Variants in NGEF observed in about 807,000 individuals in gnomAD.
NGEF encodes the protein neuronal guanine nucleotide exchange factor.
A neutral mutation model predicts 80.9 loss-of-function variants in NGEF; 31 were observed. The ratio of observed to expected loss-of-function variants is 0.38; its 90% CI spans 0.29 to 0.52. The LOEUF (loss-of-function observed/expected upper bound fraction) is 0.52, where lower values mean the gene tolerates loss of function less well. NGEF is among the 20% of genes least tolerant of loss of function. The probability of loss-of-function intolerance (pLI) is 0.84; values close to 1 mark genes in which losing one functional copy is unlikely to be tolerated. For missense variants in NGEF, 709 were observed against 926.2 expected (o/e 0.77, Z 3.04); for synonymous variants, 371 against 370.2 (o/e 1.00, Z -0.03).
chr2:232,978,813 C>G (rs1478639356), intron 1 of NGEF, among the ~76,000 whole-genome samples: 1 of 152,208 alleles, frequency 6.6e-6, no homozygotes, highest in Non-Finnish European at 1.5e-5. Flanking sequence ...TCACTGCAGC[C>G]TCGACCTCAT....
intron 1 of NGEF, among the ~76,000 whole-genome samples, chr2:233,011,007 C>T (rs1046958450): frequency 4.6e-5 from 7 of 152,146 alleles, no homozygotes; most frequent in Non-Finnish European, 8.8e-5. Flanking sequence ...AGAGGCAGCC[C>T]ATCCAGGCTC....
At chr2:232,927,818 GGGACCCCGGGC>G in intron 3 of NGEF, 3 of 1,016,898 alleles carry the variant, frequency 3.0e-6, no homozygotes, top group Non-Finnish European at 3.8e-6. Flanking sequence ...GGGGGTGCCC[GGGACCCCGGGC>G]GCAAGCTGGG....
At chr2:232,909,019 T>C (rs1692638289) in intron 5 of NGEF, among the ~76,000 whole-genome samples, 1 of 152,188 alleles carries the variant, frequency 6.6e-6, no homozygotes, top group Non-Finnish European at 1.5e-5. Flanking sequence ...CCGTAACTGG[T>C]AGATAACGGT....
At chr2:232,897,101 G>A (rs1692121336) in intron 5 of NGEF, among the ~76,000 whole-genome samples, 1 of 141,038 alleles carries the variant, frequency 7.1e-6, no homozygotes. Context: ...GATGGGGTGG[G>A]GGAAGGGGTG....
Position 232,901,408 on chromosome 2 carries a change from C to T in NGEF, c.829-6492G>A, listed in dbSNP as rs189916059. On this transcript the variant is annotated intron_variant, in intron 5 of 14. Transcript: ENST00000264051. The stretch of plus-strand genomic sequence containing the variant: ...CAGGGTTCGCCGTGGACCTCTGGGC[C>T]GTGCATTCCAGCCTGATTTGGGTTG... The T allele has an allele frequency of 1.2e-5, 12 of 985,522 alleles. No homozygotes were observed. In the South Asian group the frequency reaches 1.4e-4, roughly 12 times the overall value. The allele number at this position is 985,522 out of a possible 1,614,324, so 61.0% of individuals were successfully genotyped here.
chr2:232,956,578 C>A (rs1693838095), intron 3 of NGEF, among the ~76,000 whole-genome samples: 1 of 151,910 alleles, frequency 6.6e-6, no homozygotes, highest in Non-Finnish European at 1.5e-5. Flanking sequence ...ACCAGCCTGG[C>A]CAACATGGCG....
At chr2:232,910,263 T>C (rs1437789487) in intron 5 of NGEF, among the ~76,000 whole-genome samples, 1 of 152,174 alleles carries the variant, frequency 6.6e-6, no homozygotes, top group Admixed American at 6.5e-5. Flanking sequence ...GAAACTGTTC[T>C]ACCTCAGATC....
chr2:232,975,990 C>G (rs1221218293), intron 1 of NGEF, among the ~76,000 whole-genome samples: 1 of 152,156 alleles, frequency 6.6e-6, no homozygotes, highest in Non-Finnish European at 1.5e-5. Context: ...CACCTGAGGC[C>G]AGGAGTTCAA....
chr2:232,899,950 A>G (rs111162797), intron 5 of NGEF, among the ~76,000 whole-genome samples: 19 of 134,382 alleles, frequency 1.4e-4, no homozygotes, highest in South Asian at 1.3e-3. Flanking sequence ...ACTTACACAC[A>G]TGCTCTCACA....
At chr2:232,953,217 G>A (rs1325348926) in intron 3 of NGEF, among the ~76,000 whole-genome samples, 4 of 145,978 alleles carry the variant, frequency 2.7e-5, no homozygotes, top group Admixed American at 1.4e-4. Flanking sequence ...CAGGAGAATC[G>A]CTGAAACCCA....
chr2:232,955,587 G>T (rs781623979), intron 3 of NGEF, among the ~76,000 whole-genome samples: 7 of 152,064 alleles, frequency 4.6e-5, no homozygotes, highest in Non-Finnish European at 8.8e-5. Context: ...GCAGTGGTGC[G>T]ATCTCACCGC....
At chr2:232,901,703 C>T (rs912109263) in intron 5 of NGEF, among the ~76,000 whole-genome samples, 4 of 152,222 alleles carry the variant, frequency 2.6e-5, no homozygotes, top group East Asian at 1.9e-4. Flanking sequence ...CACAGGTCAC[C>T]CCCAGTCCTG....
chr2:232,946,493 A>G (rs1354173382), intron 3 of NGEF, among the ~76,000 whole-genome samples: 1 of 152,222 alleles, frequency 6.6e-6, no homozygotes, highest in East Asian at 1.9e-4. Context: ...CCATCACTGT[A>G]TTGGATTGGA....
At chr2:232,984,112 T>A (rs1248611550) in intron 1 of NGEF, among the ~76,000 whole-genome samples, 1 of 152,178 alleles carries the variant, frequency 6.6e-6, no homozygotes, top group Non-Finnish European at 1.5e-5. Context: ...TCAGACAAGG[T>A]CTCACTCTGT....
intron 14 of NGEF, among the ~76,000 whole-genome samples, chr2:232,880,615 G>A (rs1275872976): frequency 1.3e-5 from 2 of 152,246 alleles, no homozygotes; most frequent in East Asian, 3.8e-4. Context: ...GATTTGAAAA[G>A]GGAAAGGGGG....
At chr2:232,964,571 G>A (rs896276470) in intron 3 of NGEF, among the ~76,000 whole-genome samples, 3 of 152,166 alleles carry the variant, frequency 2.0e-5, no homozygotes, top group Admixed American at 1.3e-4. Context: ...ACAGGTGCCT[G>A]TAATCCCACA....
intron 3 of NGEF, among the ~76,000 whole-genome samples, chr2:232,968,300 C>A (rs984190993): frequency 6.6e-6 from 1 of 151,982 alleles, no homozygotes; most frequent in African/African-American, 2.4e-5. Context: ...GTTGGTCAGG[C>A]TGGTCTTGAA....
intron 3 of NGEF, among the ~76,000 whole-genome samples, chr2:232,940,031 G>T (rs1693406963): frequency 6.6e-6 from 1 of 151,906 alleles, no homozygotes; most frequent in African/African-American, 2.4e-5. Context: ...CTCACGAGAA[G>T]ACCAGTGTTT....
intron 3 of NGEF, among the ~76,000 whole-genome samples, chr2:232,939,253 T>G (rs1206461063): frequency 6.6e-6 from 1 of 151,358 alleles, no homozygotes; most frequent in Non-Finnish European, 1.5e-5. Context: ...TCAGAGTTAT[T>G]CATCTTAAAT....
Sources: gnomAD v4.1 joint callset for allele counts (sites outside exome capture counted in the v4.1 genomes callset) on GRCh38, gnomAD v4.1.1 for gene constraint, MANE v1.5 for transcripts, NCBI Gene and HGNC (gene_info 2026-07-23, HGNC 2026-07-21) for gene names.